The following CPHXL variants were observed in gnomAD, a reference collection of about 807,000 sequenced individuals.
The protein encoded by CPHXL is cytoplasmic polyadenylated homeobox like, also known as cytoplasmic polyadenylated homeobox-like protein.
intron 2 of CPHXL, among the ~76,000 whole-genome samples, chr16:75,715,520 C>G (rs1250212850): frequency 2.0e-5 from 3 of 152,160 alleles, no homozygotes; most frequent in Non-Finnish European, 2.9e-5. Flanking sequence ...CTGTTTGTGA[C>G]CCATTTGCAA....
intron 1 of CPHXL, among the ~76,000 whole-genome samples, chr16:75,720,270 T>C (rs1235878035): frequency 6.6e-6 from 1 of 152,124 alleles, no homozygotes; most frequent in African/African-American, 2.4e-5. Flanking sequence ...TTTGACGAGT[T>C]GAGAGAAGAA....
intron 1 of CPHXL, among the ~76,000 whole-genome samples, chr16:75,725,055 C>T (rs1959534825): frequency 6.6e-6 from 1 of 151,496 alleles, no homozygotes; most frequent in Admixed American, 6.6e-5. Flanking sequence ...TGTTCTCACT[C>T]ATAGGTGGAA....
chr16:75,719,413 C>T (rs576858339), intron 1 of CPHXL, among the ~76,000 whole-genome samples: 24 of 152,272 alleles, frequency 1.6e-4, no homozygotes, highest in African/African-American at 3.6e-4. Flanking sequence ...CCTAATACTG[C>T]GCTTTTCCAA....
Position 75,721,237 on chromosome 16 carries a change from A to G in CPHXL, c.26-2779T>C, listed in dbSNP as rs559341740. Among the ~76,000 whole-genome samples the G allele has an allele frequency of 5.9e-5, 9 of 152,324 alleles. No individual in the cohort carries two copies. The South Asian group carries it at 1.7e-3, about 28-fold the overall frequency. ...AGCTAACATCATAATGACAGGATCA[A>G]ATTCACACATAACAATATTAACCTT... On this transcript the variant is annotated intron_variant, in intron 1 of 2. Transcript: ENST00000640559.
In CPHXL at chr16:75,715,048, C is replaced by A. The variant is rs946148927; in HGVS notation, c.394G>T (p.Ala132Ser). The change falls in exon 3 of 3, where the codon GCT (alanine) becomes TCT (serine). Residue 132 changes from alanine (A) to serine (S), a missense_variant. By Grantham distance (99) the Ala-to-Ser change is moderately conservative (BLOSUM62 1). Transcript: ENST00000640559. ...TKQSLSGAQR[A>S]LMRRAGCSHL... ...GAGCAACCAGCTCTTCTCATCAGAG[C>A]CCTCTGGGCACCAGAGAGGCTCTGC... is the stretch of plus-strand genomic sequence containing the variant. 1 of 398,698 alleles carries A rather than the reference C, an allele frequency of 2.5e-6. No individual in the cohort carries two copies. Among genetic ancestry groups the A allele is most frequent in the African/African-American group, 2.1e-5 (1 of 48,758 alleles). 24.7% of individuals were successfully genotyped at this position (398,698 alleles called of 1,614,324 possible).
At chr16:75,718,233 T>C (rs1959421751) in intron 2 of CPHXL, 32 bp downstream of exon 2, 4 of 397,904 alleles carry the variant, frequency 1.0e-5, no homozygotes, top group South Asian at 1.3e-4. Context: ...AAAAAAAATC[T>C]AGGAAATATA....
intron 1 of CPHXL, among the ~76,000 whole-genome samples, chr16:75,721,275 G>A (rs909060349): frequency 1.3e-5 from 2 of 152,124 alleles, no homozygotes; most frequent in African/African-American, 4.8e-5. Flanking sequence ...ATGTAAATGG[G>A]CTAAATGCTC....
intron 1 of CPHXL, among the ~76,000 whole-genome samples, chr16:75,723,451 C>A (rs1959506766): frequency 6.6e-6 from 1 of 151,956 alleles, no homozygotes; most frequent in East Asian, 1.9e-4. Context: ...TTCTTATACA[C>A]CAATAACAGA....
intron 1 of CPHXL, among the ~76,000 whole-genome samples, chr16:75,721,422 T>C (rs1473106734): frequency 2.0e-5 from 3 of 151,432 alleles, no homozygotes; most frequent in Non-Finnish European, 4.4e-5. Flanking sequence ...ACCAAGCAAA[T>C]GGAAAACAAA....
intron 1 of CPHXL, among the ~76,000 whole-genome samples, chr16:75,722,890 AG>A (rs1180795483): frequency 1.3e-5 from 2 of 152,216 alleles, no homozygotes; most frequent in Non-Finnish European, 2.9e-5. Context: ...CACATGAAAA[AG>A]CTCATCCACC....
intron 1 of CPHXL, among the ~76,000 whole-genome samples, chr16:75,721,996 G>T (rs1352331681): frequency 3.9e-5 from 6 of 152,180 alleles, no homozygotes; most frequent in Non-Finnish European, 8.8e-5. Flanking sequence ...ACCTGCTCCT[G>T]AATGACTACT....
chr16:75,715,466 A>G (rs1214353314), intron 2 of CPHXL, among the ~76,000 whole-genome samples: 2 of 152,148 alleles, frequency 1.3e-5, no homozygotes, highest in Non-Finnish European at 2.9e-5. Flanking sequence ...CATTGACACC[A>G]TGGTTTACAT....
At chr16:75,719,562 G>A (rs376505831) in intron 1 of CPHXL, among the ~76,000 whole-genome samples, 15 of 151,988 alleles carry the variant, frequency 9.9e-5, no homozygotes, top group African/African-American at 3.4e-4. Context: ...GAGGAGGGGC[G>A]CCTGTCATTA....
intron 1 of CPHXL, among the ~76,000 whole-genome samples, chr16:75,720,792 A>T (rs1409502543): frequency 6.6e-6 from 1 of 152,204 alleles, no homozygotes; most frequent in Non-Finnish European, 1.5e-5. Context: ...ACTCCAAGAC[A>T]CATAATTGTC....
intron 1 of CPHXL, among the ~76,000 whole-genome samples, chr16:75,720,557 A>G (rs999646420): frequency 2.2e-4 from 34 of 152,168 alleles, no homozygotes; most frequent in African/African-American, 8.2e-4. Context: ...TAGAGAAAAA[A>G]GAATAAAAAG....
chr16:75,718,982 G>A (rs532035934), intron 1 of CPHXL, among the ~76,000 whole-genome samples: 1 of 152,302 alleles, frequency 6.6e-6, no homozygotes, highest in African/African-American at 2.4e-5. Context: ...GCGAACAGAG[G>A]CCTCTGGGTG....
At chr16:75,718,695 C>T (rs566874715) in intron 1 of CPHXL, among the ~76,000 whole-genome samples, 79 of 152,276 alleles carry the variant, frequency 5.2e-4, no homozygotes, top group Non-Finnish European at 9.1e-4. Context: ...AGAGTTTTAT[C>T]GAAACACCAT....
chr16:75,716,168 G>A (rs116910083), intron 2 of CPHXL, among the ~76,000 whole-genome samples: 10 of 152,230 alleles, frequency 6.6e-5, no homozygotes, highest in Non-Finnish European at 1.3e-4. Flanking sequence ...AATCAACAGA[G>A]AAAGGCTTGT....
chr16:75,715,476 T>C (rs1777950201), intron 2 of CPHXL, among the ~76,000 whole-genome samples: 1 of 152,178 alleles, frequency 6.6e-6, no homozygotes, highest in Non-Finnish European at 1.5e-5. Flanking sequence ...ATGGTTTACA[T>C]GTGAACCTTG....
Sources: gnomAD v4.1 joint callset for allele counts (sites outside exome capture counted in the v4.1 genomes callset) on GRCh38, gnomAD v4.1.1 for gene constraint, MANE v1.5 for transcripts, NCBI Gene and HGNC (gene_info 2026-07-23, HGNC 2026-07-21) for gene names.